SORCS3: variants seen among roughly 807,000 people sequenced by gnomAD.
SORCS3 encodes VPS10 domain-containing receptor SorCS3.
SORCS3 carries 57 observed loss-of-function variants against 146.3 expected under a neutral mutation model. The observed-to-expected ratio is 0.39, with a 90% confidence interval of 0.31 to 0.49. SORCS3 has a LOEUF of 0.49. Ranked by LOEUF, SORCS3 falls within the 20% of genes least tolerant of loss-of-function variation. SORCS3 has a pLI of 0.92. For synonymous variants in SORCS3, 653 were observed against 618.5 expected, an observed-to-expected ratio of 1.06 and a Z score of -0.83; for missense variants, 1,341 against 1,575.5, an observed-to-expected ratio of 0.85 and a Z score of 2.52.
intron 1 of SORCS3, among the ~76,000 whole-genome samples, chr10:104,838,045 T>G (rs1162395992): frequency 6.6e-6 from 1 of 152,222 alleles, no homozygotes; most frequent in Admixed American, 6.5e-5. Flanking sequence ...ATACCTGCTC[T>G]GTTTCAAAGG....
intron 1 of SORCS3, among the ~76,000 whole-genome samples, chr10:104,720,905 A>T (rs1321644944): frequency 1.3e-5 from 2 of 151,790 alleles, no homozygotes; most frequent in Admixed American, 1.3e-4. Context: ...GATTGCAAAA[A>T]TTTTCTCCCA....
rs141287585 is a variant in SORCS3, at chr10:104,751,293, T to C, written c.628-91499T>C. On this transcript the variant is annotated intron_variant, in intron 1 of 26. Coordinates refer to ENST00000369701, the MANE Select transcript of SORCS3 (RefSeq NM_014978.3). ...GTACTGGACTCTCTCTTATGGGAGA[T>C]TAAAAATCCTGGGTTGGAATGTAAT... Among the ~76,000 whole-genome samples the C allele has an allele frequency of 1.4e-4, 21 of 152,282 alleles. No individual in the cohort carries two copies. In the East Asian group the frequency reaches 2.5e-3, roughly 18 times the overall value.
intron 20 of SORCS3, among the ~76,000 whole-genome samples, chr10:105,243,531 A>G (rs551158320): frequency 3.3e-5 from 5 of 152,266 alleles, no homozygotes; most frequent in East Asian, 1.9e-4. Flanking sequence ...TTTTATATGC[A>G]TGTCAGAACC....
chr10:104,974,453 C>T (rs1449048538), intron 3 of SORCS3, among the ~76,000 whole-genome samples: 1 of 152,138 alleles, frequency 6.6e-6, no homozygotes, highest in Admixed American at 6.5e-5. Context: ...TATGTAATGG[C>T]CTTCTTTGTA....
intron 1 of SORCS3, among the ~76,000 whole-genome samples, chr10:104,673,418 C>CTG (rs1564656179): frequency 7.2e-6 from 1 of 138,170 alleles, no homozygotes; most frequent in Non-Finnish European, 1.6e-5. Flanking sequence ...TTTCTTATTT[C>CTG]CGTGTGTGTG....
chr10:104,739,483 G>A (rs2016815620), intron 1 of SORCS3, among the ~76,000 whole-genome samples: 1 of 152,138 alleles, frequency 6.6e-6, no homozygotes, highest in Admixed American at 6.5e-5. Flanking sequence ...TCTCCCAGGA[G>A]TACTGAAAGC....
intron 24 of SORCS3, 59 bp from the exon 25 acceptor site, chr10:105,256,760 A>T (rs2056933750): frequency 7.6e-6 from 10 of 1,317,570 alleles, no homozygotes; most frequent in Non-Finnish European, 1.1e-5. Flanking sequence ...TACTCCCTCC[A>T]GCTAACAGCT....
rs142331781 is a variant in SORCS3, at chr10:105,059,787, C to A, written c.1028+16659C>A. 1.7e-3 allele frequency among the ~76,000 whole-genome samples: 261 copies of A among 152,238 alleles called. 2 individuals are homozygous for A. Among genetic ancestry groups the A allele is most frequent in the African/African-American group, 5.8e-3 (243 of 41,544 alleles). Reference sequence around the variant, plus strand: ...TTGCACTGTAGCTGTGGCCCCTCACCCCAGGCCCCATCACGAACCCACAGA... The same window carrying A: ...TTGCACTGTAGCTGTGGCCCCTCACACCAGGCCCCATCACGAACCCACAGA... On this transcript the variant is annotated intron_variant, in intron 5 of 26. Transcript: ENST00000369701.
intron 1 of SORCS3, among the ~76,000 whole-genome samples, chr10:104,653,242 G>A (rs918547667): frequency 6.6e-6 from 1 of 152,094 alleles, no homozygotes; most frequent in South Asian, 2.1e-4. Context: ...GTTTTACCGT[G>A]TGTTTCTACT....
intron 19 of SORCS3, among the ~76,000 whole-genome samples, chr10:105,218,816 A>G (rs1044724119): frequency 1.3e-5 from 2 of 152,194 alleles, no homozygotes; most frequent in Non-Finnish European, 2.9e-5. Context: ...GGAGATCGAG[A>G]CCATCCTGGC....
At chr10:105,089,868 C>A in intron 6 of SORCS3, 29 bp downstream of exon 6, 1 of 1,590,818 alleles carries the variant, frequency 6.3e-7, no homozygotes, top group Non-Finnish European at 8.6e-7. Flanking sequence ...AGGCTAGGCC[C>A]AGGGAGATCT....
At chr10:104,739,985 G>A (rs762869602) in intron 1 of SORCS3, among the ~76,000 whole-genome samples, 3 of 152,124 alleles carry the variant, frequency 2.0e-5, no homozygotes, top group Non-Finnish European at 4.4e-5. Context: ...ATGTTTAATG[G>A]TGAACAGGAA....
chr10:105,142,625 G>A (rs992548865), intron 8 of SORCS3, among the ~76,000 whole-genome samples: 2 of 152,096 alleles, frequency 1.3e-5, no homozygotes, highest in African/African-American at 2.4e-5. Flanking sequence ...AGAATCAGCT[G>A]ACCCCAAAGA....
chr10:105,024,523 A>G (rs2055215399), intron 4 of SORCS3, among the ~76,000 whole-genome samples: 1 of 152,112 alleles, frequency 6.6e-6, no homozygotes, highest in Admixed American at 6.5e-5. Context: ...ATAAGAAGAG[A>G]ATGGGGCAGG....
At chr10:105,146,712 T>C (rs975789197) in intron 8 of SORCS3, among the ~76,000 whole-genome samples, 2 of 152,138 alleles carry the variant, frequency 1.3e-5, no homozygotes, top group African/African-American at 4.8e-5. Flanking sequence ...TTGATAGCCA[T>C]ATAATCTGAA....
chr10:104,836,294 C>A (rs1484966941), intron 1 of SORCS3, among the ~76,000 whole-genome samples: 1 of 152,014 alleles, frequency 6.6e-6, no homozygotes, highest in East Asian at 1.9e-4. Context: ...TGGAAGGCAG[C>A]AGGTTAAGGA....
At chr10:104,997,569 G>T (rs538908075) in intron 4 of SORCS3, among the ~76,000 whole-genome samples, 39 of 152,230 alleles carry the variant, frequency 2.6e-4, no homozygotes, top group Middle Eastern at 3.4e-3. Flanking sequence ...AGAAGAAGAA[G>T]GTACATCAGG....
At chr10:104,933,011 A>G (rs1009144291) in intron 3 of SORCS3, among the ~76,000 whole-genome samples, 3 of 152,216 alleles carry the variant, frequency 2.0e-5, no homozygotes, top group Non-Finnish European at 4.4e-5. Context: ...GATTACAGAC[A>G]TGAGCCACTG....
chr10:104,768,776 C>T (rs2017212459), intron 1 of SORCS3, among the ~76,000 whole-genome samples: 1 of 152,224 alleles, frequency 6.6e-6, no homozygotes, highest in East Asian at 1.9e-4. Flanking sequence ...GAAGCATCTA[C>T]TTTCTCTGCC....
Sources: allele counts gnomAD v4.1 joint callset (sites outside exome capture counted in the v4.1 genomes callset), GRCh38; gene constraint gnomAD v4.1.1; transcripts MANE v1.5; gene names NCBI Gene and HGNC (gene_info 2026-07-23, HGNC 2026-07-21).